The following MYH9 variants were observed in gnomAD, a reference collection of about 807,000 sequenced individuals.
MYH9 encodes the protein myosin-9.
Under a neutral mutation model 241.9 loss-of-function variants are expected in MYH9, and 29 were observed. The ratio of observed to expected loss-of-function variants is 0.12; its 90% confidence interval spans 0.09 to 0.16. The LOEUF is 0.16. Among genes scored for constraint, MYH9 ranks in the 10% least tolerant of loss-of-function variants. The pLI is 1.00. For synonymous variants in MYH9, 1,047 were observed against 1,062.6 expected (o/e 0.99, Z 0.29); for missense variants, 1,803 against 2,595.5 (o/e 0.69, Z 6.63).
At chr22:36,361,867 C>G (rs1001866725) in intron 1 of MYH9, among the ~76,000 whole-genome samples, 12 of 152,180 alleles carry the variant, frequency 7.9e-5, no homozygotes, top group African/African-American at 2.7e-4. Flanking sequence ...GTCAGGAGTT[C>G]AAGACCAGCC....
intron 7 of MYH9, among the ~76,000 whole-genome samples, chr22:36,321,097 C>A (rs372610468): frequency 6.6e-6 from 1 of 152,142 alleles, no homozygotes; most frequent in African/African-American, 2.4e-5. Flanking sequence ...GGATTACAGG[C>A]GCCCACCACC....
At position 36,288,614 on chromosome 22, in the gene MYH9, G is replaced by C; in HGVS notation, c.4770+113C>G. On this transcript the variant is annotated intron_variant, in intron 33 of 40. Transcript: ENST00000216181. This position sits in a 1 kb window ranked among gnomAD's most constrained non-coding sequence, Gnocchi z 4.8. ...AGGCTAGAAAGAAGGAATATGGGAG[G>C]GGAGGCGTGGTCAAGGGGCCCTAAC... is the stretch of plus-strand genomic sequence containing the variant. The C allele has an allele frequency of 1.5e-6, 2 of 1,367,488 alleles. No individual in the cohort carries two copies. The highest frequency in any genetic ancestry group is 2.1e-6 in the Non-Finnish European group (2 of 971,202). The allele number at this position is 1,367,488 out of a possible 1,614,324, so 84.7% of individuals were successfully genotyped here.
intron 1 of MYH9, among the ~76,000 whole-genome samples, chr22:36,386,038 A>T (rs950643150): frequency 2.0e-5 from 3 of 151,922 alleles, no homozygotes; most frequent in Non-Finnish European, 4.4e-5. Context: ...TTTGTATTTC[A>T]CTGGTTCTGC....
intron 3 of MYH9, among the ~76,000 whole-genome samples, chr22:36,340,587 G>A (rs1210040590): frequency 6.6e-6 from 1 of 151,934 alleles, no homozygotes; most frequent in Non-Finnish European, 1.5e-5. Context: ...CTTGAGCCTG[G>A]GAAGCGGAGG....
In MYH9 at chr22:36,291,988, G is replaced by C. The variant is rs1569534911; in HGVS notation, c.4342C>G (p.Gln1448Glu). 6.2e-7 allele frequency: 1 copy of C among 1,614,188 alleles called. No individual in the cohort carries two copies. Reference sequence around the variant, plus strand: ...GGATGGGGCCAACGGCCACACACCTGGTCAAACTTCTTCTGCTTCTTCTCC... The same window carrying C: ...GGATGGGGCCAACGGCCACACACCTCGTCAAACTTCTTCTGCTTCTTCTCC... ...NLEKKQKKFD[Q>E]LLAEEKTISA... The change falls in exon 31 of 41, where the codon CAG becomes GAG. Residue 1448 changes from glutamine to glutamate, a missense_variant and splice_region_variant. By Grantham distance (29) the Gln-to-Glu change is conservative. Transcript: ENST00000216181.
chr22:36,384,931 T>C (rs2018328691), intron 1 of MYH9, among the ~76,000 whole-genome samples: 1 of 151,916 alleles, frequency 6.6e-6, no homozygotes, highest in Non-Finnish European at 1.5e-5. Context: ...TCCATTCTTT[T>C]GTCAGCAGAG....
At chr22:36,327,439 A>G in intron 4 of MYH9, 22 bp downstream of exon 4, 1 of 1,613,878 alleles carries the variant, frequency 6.2e-7, no homozygotes, top group Non-Finnish European at 8.5e-7. Flanking sequence ...ACGAACCACT[A>G]CCCAGACGGA....
chr22:36,360,050 A>ACCACCACCACCACCACCC (rs2017914468), intron 1 of MYH9, among the ~76,000 whole-genome samples: 1 of 121,296 alleles, frequency 8.2e-6, no homozygotes, highest in African/African-American at 3.0e-5. Flanking sequence ...CACCACCACC[A>ACCACCACCACCACCACCC]CCACCACCAC....
At chr22:36,352,313 A>T (rs2017778023) in intron 1 of MYH9, among the ~76,000 whole-genome samples, 1 of 152,206 alleles carries the variant, frequency 6.6e-6, no homozygotes, top group Admixed American at 6.5e-5. Context: ...GGCCCGTCAA[A>T]AAGCAGGCAC....
At chr22:36,377,773 G>A (rs558959677) in intron 1 of MYH9, among the ~76,000 whole-genome samples, 3 of 152,160 alleles carry the variant, frequency 2.0e-5, no homozygotes, top group East Asian at 3.9e-4. Context: ...AGCCGGGCAC[G>A]GTGGCGGGCA....
In MYH9 at chr22:36,295,046, C is replaced by T; in HGVS notation, c.3516G>A (p.Leu1172=). The T allele has an allele frequency of 9.3e-6, 15 of 1,614,208 alleles. No homozygotes were observed. The highest frequency in any genetic ancestry group is 1.3e-5 in the Non-Finnish European group (15 of 1,180,044). ...TGGCCTCCTCCTCCAGGGTCTTCTT[C>T]AGGATGTTCACCTCCTGCTCACGTT... The part of the protein sequence containing the change: ...RSKREQEVNI[L]KKTLEEEAKT... The change falls in exon 27 of 41, where the codon CTG becomes CTA. Residue 1172 remains leucine, a synonymous_variant. Transcript: ENST00000216181. The surrounding 1 kb of genome is among the most constrained non-coding windows in gnomAD (Gnocchi z 4.1).
chr22:36,300,430 C>A lies in MYH9; in HGVS notation c.2839-166G>T, dbSNP rs2016858468. On this transcript the variant is annotated intron_variant, in intron 22 of 40. Coordinates refer to ENST00000216181, the MANE Select transcript of MYH9 (RefSeq NM_002473.6). This position sits in a 1 kb window ranked among gnomAD's most constrained non-coding sequence, Gnocchi z 5.0. ...GACGGCAAGGTCCGCCAGCCCAGGG[C>A]CACAGCCGAGGCAGGGCCCAAGCCC... Among the ~76,000 whole-genome samples, 1 of 152,242 alleles carries A rather than the reference C, an allele frequency of 6.6e-6. No individual in the cohort carries two copies. The highest frequency in any genetic ancestry group is 1.5e-5 in the Non-Finnish European group (1 of 68,030).
chr22:36,292,337 G>A (rs1449087591), intron 30 of MYH9, 103 bp from the exon 31 acceptor site: 6 of 1,503,162 alleles, frequency 4.0e-6, no homozygotes, highest in South Asian at 3.4e-5. Flanking sequence ...ACCGTGGAAG[G>A]GGCACCAGGG....
intron 3 of MYH9, among the ~76,000 whole-genome samples, chr22:36,337,613 A>G (rs537524291): frequency 1.3e-3 from 198 of 152,358 alleles, no homozygotes; most frequent in African/African-American, 4.3e-3. Flanking sequence ...GTCATAAGGC[A>G]CAGCCAGCTC....
Position 36,293,889 on chromosome 22 carries a change from G to C in MYH9, c.3838-26C>G. 1 of 1,598,214 alleles carries C rather than the reference G, an allele frequency of 6.3e-7. No homozygotes were observed. Among genetic ancestry groups the C allele is most frequent in the Non-Finnish European group, 8.6e-7 (1 of 1,169,574 alleles). ...CTGCACCGGGCGGGGAGACACAAAG[G>C]ACCATGGACCCACCCCCACTGCTCC... On this transcript the variant is annotated intron_variant, in intron 28 of 40. Transcript: ENST00000216181. The surrounding 1 kb of genome is among the most constrained non-coding windows in gnomAD (Gnocchi z 5.1).
intron 12 of MYH9, among the ~76,000 whole-genome samples, chr22:36,314,787 C>G (rs1019074970): frequency 6.6e-6 from 1 of 151,890 alleles, no homozygotes; most frequent in Non-Finnish European, 1.5e-5. Flanking sequence ...TAGCTGGGAC[C>G]CCAGGCACAC....
intron 12 of MYH9, 151 bp downstream of exon 12, chr22:36,316,366 A>C: frequency 8.6e-7 from 1 of 1,159,194 alleles, no homozygotes; most frequent in South Asian, 1.3e-5. Flanking sequence ...AAAAAAAAAA[A>C]AACAACCCCA....
chr22:36,316,996 A>C (rs118095731), intron 11 of MYH9, among the ~76,000 whole-genome samples: 1 of 84,596 alleles, frequency 1.2e-5, no homozygotes, highest in African/African-American at 4.4e-5. Flanking sequence ...CCCTAAATGC[A>C]CCCGATCTCA....
Position 36,326,616 on chromosome 22 carries a change from G to C in MYH9, c.564C>G (p.Ile188Met). Residue 188 changes from isoleucine to methionine, a missense_variant, in exon 5 of 41, where the codon ATC (isoleucine) becomes ATG (methionine). Physicochemically the swap from Ile to Met is conservative, Grantham distance 10. Transcript: ENST00000216181. ...AGGACGCCACGTACGCCAGATACTG[G>C]ATGACCTTCTTGGTGTTCTCCGTCT... Reference protein sequence around the residue: ...AGKTENTKKVIQYLAYVASSH... With the variant: ...AGKTENTKKVMQYLAYVASSH... 6.2e-7 allele frequency: 1 copy of C among 1,614,246 alleles called. No homozygotes were observed. The highest frequency in any genetic ancestry group is 8.5e-7 in the Non-Finnish European group (1 of 1,180,048).
Sources: allele counts gnomAD v4.1 joint callset (sites outside exome capture counted in the v4.1 genomes callset), GRCh38; gene constraint gnomAD v4.1.1; non-coding constraint Gnocchi (gnomAD v3.1); transcripts MANE v1.5; gene names NCBI Gene and HGNC (gene_info 2026-07-23, HGNC 2026-07-21).